PICK1: variants seen among roughly 807,000 people sequenced by gnomAD.
PICK1 encodes protein interacting with PRKCA 1, also known as PRKCA-binding protein.
A neutral mutation model predicts 48.9 loss-of-function variants in PICK1; 23 were observed. That is an observed-to-expected ratio of 0.47 (90% CI 0.34 to 0.67). PICK1 has a LOEUF of 0.67. Among genes scored for constraint, PICK1 ranks in the 30% least tolerant of loss-of-function variants. The pLI, the probability that PICK1 is intolerant of heterozygous loss-of-function variation, is 0.01. For synonymous variants in PICK1, 217 were observed against 228.2 expected (o/e 0.95, Z 0.44); for missense variants, 423 against 557.1 (o/e 0.76, Z 2.42).
At position 38,072,564 on chromosome 22, in the gene PICK1, G is replaced by A. The variant is rs778351060; in HGVS notation, c.644G>A (p.Arg215His). Residue 215 changes from arginine (R) to histidine (H), a missense_variant, in exon 9 of 13, where the codon CGC (arginine) becomes CAC (histidine). Transcript: ENST00000356976. ...TTTGTGAAGTTCGCCGATGCCCACC[G>A]CAGCATCGAGAAGTTCGGCATTCGG... ...EAFVKFADAH[R>H]SIEKFGIRLL... 30 of 1,613,432 alleles carry A rather than the reference G, an allele frequency of 1.9e-5. No individual in the cohort carries two copies. The highest frequency in any genetic ancestry group is 2.3e-5 in the Non-Finnish European group (27 of 1,180,032).
intron 5 of PICK1, 111 bp from the exon 6 acceptor site, chr22:38,068,922 A>C (rs1290193638): frequency 1.2e-6 from 1 of 850,058 alleles, no homozygotes; most frequent in Non-Finnish European, 2.0e-6. Context: ...AGCCACCCCC[A>C]GCAGCCCTTC....
intron 3 of PICK1, among the ~76,000 whole-genome samples, chr22:38,063,953 T>G (rs1242314178): frequency 6.6e-6 from 1 of 152,238 alleles, no homozygotes; most frequent in Non-Finnish European, 1.5e-5. Flanking sequence ...TCCAAGAAAT[T>G]ACTGTAAACT....
chr22:38,060,126 G>A (rs1317549198), intron 3 of PICK1, among the ~76,000 whole-genome samples: 1 of 152,194 alleles, frequency 6.6e-6, no homozygotes, highest in African/African-American at 2.4e-5. Flanking sequence ...TAGGAGAATC[G>A]CTTGAACCTG....
At position 38,057,866 on chromosome 22, in the gene PICK1, C is replaced by T. The variant is rs1315177544; in HGVS notation, c.41+16C>T. 1.9e-6 allele frequency: 3 copies of T among 1,606,106 alleles called. No individual in the cohort carries two copies. Among genetic ancestry groups the T allele is most frequent in the Non-Finnish European group, 2.6e-6 (3 of 1,172,794 alleles). ...AGGATAAACTGTGAGTATTTTATTC[C>T]CCCAAGTTCCAGCAGTATAGGAGCC... On this transcript the variant is annotated intron_variant, in intron 2 of 12. Coordinates refer to ENST00000356976, the MANE Select transcript of PICK1 (RefSeq NM_012407.4).
In PICK1 at chr22:38,065,036, C is replaced by T. The variant is rs780886922; in HGVS notation, c.188C>T (p.Thr63Ile). The change falls in exon 4 of 13, where the codon ACA (threonine) becomes ATA (isoleucine). Residue 63 changes from threonine (T) to isoleucine (I), a missense_variant. By Grantham distance (89) the Thr-to-Ile change is moderately conservative. Transcript: ENST00000356976. ...FDNTPAALDGTVAAGDEITGV... is the reference protein window; with the variant it reads ...FDNTPAALDGIVAAGDEITGV... ...AACACCCCAGCAGCCTTGGACGGCA[C>T]AGTGGCAGCTGGCGATGAGATCACC... 15 of 1,613,990 alleles carry T rather than the reference C, an allele frequency of 9.3e-6. No homozygotes were observed. Among genetic ancestry groups the T allele is most frequent in the South Asian group, 3.3e-5 (3 of 91,086 alleles).
Position 38,073,606 on chromosome 22 carries a change from C to T in PICK1, c.784-167C>T, listed in dbSNP as rs1034545384. On this transcript the variant is annotated intron_variant, in intron 10 of 12. Transcript: ENST00000356976. The surrounding 1 kb of genome is among the most constrained non-coding windows in gnomAD (Gnocchi z 5.7). ...GGGCCTTGAGTTTGGTCAACTCGGC[C>T]GCCTAAGCCTCAGGCCCTGTCATCC... Among the ~76,000 whole-genome samples the T allele has an allele frequency of 2.6e-5, 4 of 152,282 alleles. No homozygotes were observed. The highest frequency in any genetic ancestry group is 2.1e-4 in the South Asian group (1 of 4,832).
rs778231268 is a variant in PICK1, at chr22:38,070,832, C to T, written c.440-6C>T. ...CTGACCTCCCCTCTTCTTTGAATCC[C>T]GACAGATGGGCTTGTCAAGAGGCTA... On this transcript the variant is annotated splice_region_variant and splice_polypyrimidine_tract_variant and intron_variant, in intron 6 of 12. Coordinates refer to ENST00000356976, the MANE Select transcript of PICK1 (RefSeq NM_012407.4). 79 of 1,613,676 alleles carry T rather than the reference C, an allele frequency of 4.9e-5. No homozygotes were observed. In the Admixed American group the frequency reaches 7.7e-4, roughly 16 times the overall value.
intron 3 of PICK1, 113 bp downstream of exon 3, chr22:38,059,458 C>T: frequency 1.3e-6 from 1 of 793,700 alleles, no homozygotes. Context: ...GAGGTCTGAC[C>T]CTCTCAGAGG....
intron 1 of PICK1, 28 bp from the exon 2 acceptor site, chr22:38,057,725 C>T (rs2085304796): frequency 1.6e-6 from 2 of 1,281,618 alleles, no homozygotes; most frequent in Non-Finnish European, 2.3e-6. Context: ...TTCCTTAAAT[C>T]CTATGCTCCT....
chr22:38,067,632 G>C (rs2085562092), intron 4 of PICK1, 72 bp from the exon 5 acceptor site: 1 of 1,382,018 alleles, frequency 7.2e-7, no homozygotes, highest in African/African-American at 1.4e-5. Flanking sequence ...TCTCAGTCCA[G>C]AACAGTCTTG....
rs369930998 is a variant in PICK1, at chr22:38,074,299, C to T, written c.835-8C>T. The T allele has an allele frequency of 1.2e-5, 20 of 1,612,160 alleles. No homozygotes were observed. The Admixed American group carries it at 2.3e-4, about 19-fold the overall frequency. ...TGAGCAGGCACTCCTGTCCCACCCC[C>T]GCCCCAGGCCCTAGGCGAGCCCCTT... On this transcript the variant is annotated splice_polypyrimidine_tract_variant and splice_region_variant and intron_variant, in intron 11 of 12. Transcript: ENST00000356976. The surrounding 1 kb of genome is among the most constrained non-coding windows in gnomAD (Gnocchi z 4.5).
In PICK1 at chr22:38,074,918, A is replaced by G. The variant is rs952399927; in HGVS notation, c.1034A>G (p.Tyr345Cys). The change falls in exon 13 of 13, where the codon TAC becomes TGC. Residue 345 changes from tyrosine to cysteine, a missense_variant. By Grantham distance (194) the Tyr-to-Cys change is radical. This residue lies in a region of PICK1 where 144 missense variants were observed against 139.3 expected (regional missense o/e 1.03). Coordinates refer to ENST00000356976, the MANE Select transcript of PICK1 (RefSeq NM_012407.4). The surrounding 1 kb of genome is among the most constrained non-coding windows in gnomAD (Gnocchi z 4.5). Reference sequence around the variant, plus strand: ...CTCGTGTCCACCATGTCCAAGTACTACAACGACTGCTACGCAGTGCTGCGG... The same window carrying G: ...CTCGTGTCCACCATGTCCAAGTACTGCAACGACTGCTACGCAGTGCTGCGG... ...QRLVSTMSKY[Y>C]NDCYAVLRDA... 1.2e-6 allele frequency: 2 copies of G among 1,613,496 alleles called. No individual in the cohort carries two copies. The highest frequency in any genetic ancestry group is 2.7e-5 in the African/African-American group (2 of 74,944).
Position 38,073,664 on chromosome 22 carries a change from C to A in PICK1, c.784-109C>A, listed in dbSNP as rs1252031821. On this transcript the variant is annotated intron_variant, in intron 10 of 12. Transcript: ENST00000356976. This position sits in a 1 kb window ranked among gnomAD's most constrained non-coding sequence, Gnocchi z 5.7. ...CCTGCCGCTGCCCGCTCTGGGACTC[C>A]CTGAACACCTGCGCCAGCCTCTCCT... 1.1e-4 allele frequency: 110 copies of A among 1,029,162 alleles called. 3 individuals carry two copies. The Admixed American group carries it at 1.8e-3, about 17-fold the overall frequency. 63.8% of individuals were successfully genotyped at this position (1,029,162 alleles called of 1,614,324 possible). A position where few individuals can be genotyped will look rare whatever the true frequency, so the allele number is the denominator to read the frequency against.
intron 3 of PICK1, among the ~76,000 whole-genome samples, chr22:38,059,839 G>A (rs1023889742): frequency 1.4e-4 from 21 of 152,164 alleles, no homozygotes; most frequent in African/African-American, 2.9e-4. Flanking sequence ...CCTAGAAAGC[G>A]GGGATTTAAA....
At chr22:38,060,082 ACG>A (rs2085362471) in intron 3 of PICK1, among the ~76,000 whole-genome samples, 1 of 152,180 alleles carries the variant, frequency 6.6e-6, no homozygotes, top group African/African-American at 2.4e-5. Flanking sequence ...GTGGTGGTGC[ACG>A]CCTGTACTTC....
In PICK1 at chr22:38,057,558, G is replaced by T. The variant is rs2085299737; in HGVS notation, c.-87G>T. On this transcript the variant is annotated 5_prime_UTR_variant, in exon 1 of 13. Transcript: ENST00000356976. ...GCGGACTCTGGGATCTGAGCCTATC[G>T]CCCTGGCCTGGAGCCCCCCTTTGTA... 2 of 558,056 alleles carry T rather than the reference G, an allele frequency of 3.6e-6. No individual in the cohort carries two copies. The highest frequency in any genetic ancestry group is 3.0e-5 in the East Asian group (1 of 33,038). 34.6% of individuals were successfully genotyped at this position (558,056 alleles called of 1,614,324 possible).
intron 4 of PICK1, among the ~76,000 whole-genome samples, chr22:38,067,307 C>CTT (rs33993578): frequency 0.26 from 29,102 of 110,444 alleles, 4,283 homozygotes; most frequent in African/African-American, 0.29. Flanking sequence ...GCTTAGGATT[C>CTT]TTTTTTTTTT....
At position 38,074,269 on chromosome 22, in the gene PICK1, G is replaced by A. The variant is rs773979368; in HGVS notation, c.835-38G>A. On this transcript the variant is annotated intron_variant, in intron 11 of 12. Coordinates refer to ENST00000356976, the MANE Select transcript of PICK1 (RefSeq NM_012407.4). This position sits in a 1 kb window ranked among gnomAD's most constrained non-coding sequence, Gnocchi z 4.5. ...TGAAAGCACAGTGCGGTGCGAGGCC[G>A]TCCCTGAGCAGGCACTCCTGTCCCA... 9 of 1,610,800 alleles carry A rather than the reference G, an allele frequency of 5.6e-6. No homozygotes were observed. Among genetic ancestry groups the A allele is most frequent in the Middle Eastern group, 1.7e-4 (1 of 5,724 alleles).
At chr22:38,072,357 C>G (rs746673785) in intron 8 of PICK1, 120 bp from the exon 9 acceptor site, 4 of 1,179,864 alleles carry the variant, frequency 3.4e-6, no homozygotes, top group Non-Finnish European at 4.8e-6. Flanking sequence ...GAGGTGTAGC[C>G]CCTGTGCAGA....
Sources: gnomAD v4.1 joint callset for allele counts (sites outside exome capture counted in the v4.1 genomes callset) on GRCh38, gnomAD v4.1.1 for gene constraint, gnomAD v4.1.1 regional missense constraint, Gnocchi (gnomAD v3.1) non-coding constraint, MANE v1.5 for transcripts, NCBI Gene and HGNC (gene_info 2026-07-23, HGNC 2026-07-21) for gene names.